NOP58: variants seen among roughly 807,000 people sequenced by gnomAD.
The protein encoded by NOP58 is nucleolar protein 58.
NOP58 carries 44 observed loss-of-function variants against 71.2 expected under a neutral mutation model. That is an observed-to-expected ratio of 0.62 (90% CI 0.49 to 0.79). The LOEUF is 0.79. Among genes scored for constraint, NOP58 ranks in the 30% least tolerant of loss-of-function variants. The pLI is 0.00. For synonymous variants in NOP58, 228 were observed against 200.3 expected (o/e 1.14, Z -1.17); for missense variants, 538 against 620.2 (o/e 0.87, Z 1.41).
chr2:202,292,639 T>G lies in NOP58; in HGVS notation c.781-138T>G, dbSNP rs7605084. The G allele has an allele frequency of 1.5e-3, 960 of 630,858 alleles. 10 individuals carry two copies. In the African/African-American group the frequency reaches 0.016, roughly 10 times the overall value. The allele number at this position is 630,858 out of a possible 1,614,324, so 39.1% of individuals were successfully genotyped here. A position where few individuals can be genotyped will look rare whatever the true frequency, so the allele number is the denominator to read the frequency against. On this transcript the variant is annotated intron_variant, in intron 8 of 14. Coordinates refer to ENST00000264279, the MANE Select transcript of NOP58 (RefSeq NM_015934.5). ...GGAAAAAAAAAAAAGAAAACTGATG[T>G]TAGGCATAGGTGATGTACCCAGTAC...
At position 202,297,556 on chromosome 2, in the gene NOP58, A is replaced by G. The variant is rs1228509664; in HGVS notation, c.1206+43A>G. On this transcript the variant is annotated intron_variant, in intron 11 of 14. Coordinates refer to ENST00000264279, the MANE Select transcript of NOP58 (RefSeq NM_015934.5). ...CCTATTCCAGAAGTATTACTTGTCA[A>G]AAGTTAATAAACTGAGTAAATTTAT... The G allele has an allele frequency of 1.9e-6, 3 of 1,581,978 alleles. No individual in the cohort carries two copies. The African/African-American group carries it at 4.1e-5, about 21-fold the overall frequency.
At position 202,277,879 on chromosome 2, in the gene NOP58, C is replaced by T. The variant is rs1438539123; in HGVS notation, c.123-71C>T. The T allele has an allele frequency of 1.9e-5, 15 of 806,130 alleles. No individual in the cohort carries two copies. In the East Asian group the frequency reaches 2.7e-4, roughly 14 times the overall value. The allele number at this position is 806,130 out of a possible 1,614,324, so 49.9% of individuals were successfully genotyped here. A position where few individuals can be genotyped will look rare whatever the true frequency, so the allele number is the denominator to read the frequency against. On this transcript the variant is annotated intron_variant, in intron 2 of 14. Coordinates refer to ENST00000264279, the MANE Select transcript of NOP58 (RefSeq NM_015934.5). ...TTGGAAACAGTCAAGCACTTCTTTC[C>T]AAGTTATGTGGCTTTTGAATCAACG... is the stretch of plus-strand genomic sequence containing the variant.
At chr2:202,266,050 G>T in intron 1 of NOP58, 64 bp downstream of exon 1, 1 of 1,579,800 alleles carries the variant, frequency 6.3e-7, no homozygotes. Flanking sequence ...GAGAGGGAAA[G>T]ACTTAAGCAC....
At chr2:202,302,863 A>C in intron 13 of NOP58, 58 bp from the exon 14 acceptor site, 1 of 1,525,834 alleles carries the variant, frequency 6.6e-7, no homozygotes, top group South Asian at 1.3e-5. Context: ...ACGTTTTTGG[A>C]AGGAATGAGA....
In NOP58 at chr2:202,287,747, C is replaced by T. The variant is rs1186829196; in HGVS notation, c.499+23C>T. ...TTTGTAAGTATAGTACATGCAAAGT[C>T]CGATTTGTTGCTCTGTCCTTCATGC... On this transcript the variant is annotated intron_variant, in intron 6 of 14. Coordinates refer to ENST00000264279, the MANE Select transcript of NOP58 (RefSeq NM_015934.5). 3 of 1,530,034 alleles carry T rather than the reference C, an allele frequency of 2.0e-6. No homozygotes were observed. In the East Asian group the frequency reaches 6.8e-5, roughly 34 times the overall value. 94.8% of individuals were successfully genotyped at this position (1,530,034 alleles called of 1,614,324 possible).
intron 7 of NOP58, 106 bp downstream of exon 7, chr2:202,290,563 C>A: frequency 2.0e-6 from 2 of 987,550 alleles, no homozygotes; most frequent in Non-Finnish European, 3.0e-6. Flanking sequence ...AGGGTTTTTG[C>A]AATTTCTGTG....
At position 202,265,872 on chromosome 2, in the gene NOP58, C is replaced by G. The variant is rs534007673; in HGVS notation, c.-70C>G. ...CGGCCTAGGAGGCCTTTTGAGGCCGCGTAGTCGGTGTTTTTGAACTGACTC... is the reference window on the plus strand; with the variant it reads ...CGGCCTAGGAGGCCTTTTGAGGCCGGGTAGTCGGTGTTTTTGAACTGACTC... On this transcript the variant is annotated 5_prime_UTR_variant, in exon 1 of 15. Transcript: ENST00000264279. The G allele has an allele frequency of 1.8e-3, 2,800 of 1,590,736 alleles. 11 individuals are homozygous for G. Among genetic ancestry groups the G allele is most frequent in the Middle Eastern group, 2.3e-3 (14 of 6,008 alleles).
At chr2:202,273,939 C>G (rs1439383559) in intron 1 of NOP58, among the ~76,000 whole-genome samples, 2 of 146,608 alleles carry the variant, frequency 1.4e-5, no homozygotes, top group Non-Finnish European at 3.0e-5. Context: ...GAGACTCCAT[C>G]TCAGAAAAAA....
chr2:202,284,053 G>A (rs76181704), intron 4 of NOP58, among the ~76,000 whole-genome samples: 9 of 151,756 alleles, frequency 5.9e-5, no homozygotes, highest in East Asian at 2.0e-4. Context: ...AAGATGAGGC[G>A]GGCGGATCAC....
chr2:202,269,364 C>CAG (rs1228642131), intron 1 of NOP58, among the ~76,000 whole-genome samples: 4 of 139,162 alleles, frequency 2.9e-5, no homozygotes, highest in African/African-American at 1.1e-4. Context: ...TTTTAAGAGG[C>CAG]AGAGTCTCAC....
intron 2 of NOP58, 21 bp from the exon 3 acceptor site, chr2:202,277,929 C>G (rs1266752471): frequency 2.3e-6 from 3 of 1,316,208 alleles, no homozygotes; most frequent in Non-Finnish European, 3.2e-6. Context: ...ACATGTTTAT[C>G]TCTTTTTTTT....
chr2:202,269,598 C>A (rs572503260), intron 1 of NOP58, among the ~76,000 whole-genome samples: 1 of 151,968 alleles, frequency 6.6e-6, no homozygotes, highest in African/African-American at 2.4e-5. Flanking sequence ...AGCCTGTGGC[C>A]GAGAGCAGTG....
At chr2:202,277,916 A>G (rs760796516) in intron 2 of NOP58, 34 bp from the exon 3 acceptor site, 5 of 1,198,452 alleles carry the variant, frequency 4.2e-6, no homozygotes, top group Middle Eastern at 1.9e-4. Flanking sequence ...ACTGCCCCCA[A>G]TAACATGTTT....
At chr2:202,282,904 CA>C (rs1688728643) in intron 4 of NOP58, among the ~76,000 whole-genome samples, 1 of 152,026 alleles carries the variant, frequency 6.6e-6, no homozygotes, top group Non-Finnish European at 1.5e-5. Flanking sequence ...AATAGCCTCC[CA>C]AATACAGAAA....
At chr2:202,295,605 CT>C in intron 9 of NOP58, 68 bp from the exon 10 acceptor site, 1 of 1,118,478 alleles carries the variant, frequency 8.9e-7, no homozygotes, top group South Asian at 2.2e-5. Context: ...TTCTATAGGT[CT>C]TTTGTTTCAG....
At chr2:202,274,573 T>C (rs1382422778) in intron 1 of NOP58, among the ~76,000 whole-genome samples, 1 of 151,936 alleles carries the variant, frequency 6.6e-6, no homozygotes, top group African/African-American at 2.4e-5. Flanking sequence ...TACAATACTT[T>C]ACTGTAAAGG....
At chr2:202,270,204 C>G (rs1688494425) in intron 1 of NOP58, among the ~76,000 whole-genome samples, 1 of 152,188 alleles carries the variant, frequency 6.6e-6, no homozygotes, top group Non-Finnish European at 1.5e-5. Flanking sequence ...CTCTAGACAA[C>G]CACTGTTCAG....
rs1559265571 is a variant in NOP58 at position 202,292,836 on chromosome 2, G to A, written c.840G>A (p.Met280Ile). ...ATGAATATCTACAAAATCGAATGAT[G>A]GCCATTGCACCCAATGTTACAGTCA... The part of the protein sequence containing the change: ...QLYEYLQNRM[M>I]AIAPNVTVMV... The change falls in exon 9 of 15, where the codon ATG (methionine) becomes ATA (isoleucine). Residue 280 changes from methionine (M) to isoleucine (I), a missense_variant. Met to Ile is a conservative substitution (Grantham distance 10). Coordinates refer to ENST00000264279, the MANE Select transcript of NOP58 (RefSeq NM_015934.5). 13 of 1,612,854 alleles carry A rather than the reference G, an allele frequency of 8.1e-6. No homozygotes were observed. The highest frequency in any genetic ancestry group is 1.0e-5 in the Non-Finnish European group (12 of 1,178,808).
intron 5 of NOP58, 125 bp downstream of exon 5, chr2:202,284,606 T>A: frequency 6.7e-6 from 5 of 746,164 alleles, no homozygotes; most frequent in Non-Finnish European, 1.1e-5. Context: ...AAGATGATAG[T>A]AATATCCTCA....
Sources: gnomAD v4.1 joint callset for allele counts (sites outside exome capture counted in the v4.1 genomes callset) on GRCh38, gnomAD v4.1.1 for gene constraint, MANE v1.5 for transcripts, NCBI Gene and HGNC (gene_info 2026-07-23, HGNC 2026-07-21) for gene names.